QRICH1: variants seen among roughly 807,000 people sequenced by gnomAD.
QRICH1 encodes the protein transcriptional regulator QRICH1.
Under a neutral mutation model 87.1 loss-of-function variants are expected in QRICH1, and 16 were observed. The ratio of observed to expected loss-of-function variants is 0.18; its 90% CI spans 0.12 to 0.28. The LOEUF (loss-of-function observed/expected upper bound fraction) is 0.28, where lower values mean the gene tolerates loss of function less well. Among genes scored for constraint, QRICH1 ranks in the 10% least tolerant of loss-of-function variants. The pLI is 1.00. For synonymous variants in QRICH1, 367 were observed against 368.4 expected, an observed-to-expected ratio of 1.00 and a Z score of 0.05; for missense variants, 647 against 951.7, an observed-to-expected ratio of 0.68 and a Z score of 4.21.
At chr3:49,048,941 G>T (rs1469091445) in intron 3 of QRICH1, among the ~76,000 whole-genome samples, 4 of 147,990 alleles carry the variant, frequency 2.7e-5, no homozygotes, top group African/African-American at 1.0e-4. Flanking sequence ...TTGCTCTTTC[G>T]CCTAGGCTGG....
intron 1 of QRICH1, among the ~76,000 whole-genome samples, chr3:49,081,509 T>C (rs1559954162): frequency 6.6e-6 from 1 of 152,078 alleles, no homozygotes; most frequent in Non-Finnish European, 1.5e-5. Context: ...TTTTTTGTTG[T>C]TGGTTTCTTT....
At chr3:49,085,772 A>AG (rs2107031332) in intron 1 of QRICH1, among the ~76,000 whole-genome samples, 1 of 151,838 alleles carries the variant, frequency 6.6e-6, no homozygotes, top group African/African-American at 2.4e-5. Flanking sequence ...AAAAAAAAAA[A>AG]GAAAAAGAAA....
At chr3:49,083,967 A>G (rs2042121424) in intron 1 of QRICH1, among the ~76,000 whole-genome samples, 1 of 151,790 alleles carries the variant, frequency 6.6e-6, no homozygotes, top group African/African-American at 2.4e-5. Context: ...GTGCCTGGCT[A>G]ATTTTTGTAT....
rs767495406 is a variant in QRICH1, at chr3:49,044,405, G to A, written c.1771C>T (p.Arg591Trp). The change falls in exon 6 of 10, where the codon CGG becomes TGG. Residue 591 changes from arginine to tryptophan, a missense_variant. This residue lies in a region of QRICH1 where 187 missense variants were observed against 309.5 expected (regional missense o/e 0.60). Transcript: ENST00000395443. ...LHEVLKDVQP[R>W]VTPLGYVLPS... ...AGACTCTTACCAAGTGGAGTGACCC[G>A]GGGCTGAACATCCTTCAGAACTTCA... is the stretch of plus-strand genomic sequence containing the variant. 1.2e-6 allele frequency: 2 copies of A among 1,611,698 alleles called. No homozygotes were observed. The highest frequency in any genetic ancestry group is 2.2e-5 in the East Asian group (1 of 44,750).
At chr3:49,058,325 A>G (rs2093415191) in intron 2 of QRICH1, among the ~76,000 whole-genome samples, 1 of 149,964 alleles carries the variant, frequency 6.7e-6, no homozygotes, top group Non-Finnish European at 1.5e-5. Flanking sequence ...AAATATCAAA[A>G]CTTTGGTTCT....
At position 49,057,294 on chromosome 3, in the gene QRICH1, A is replaced by G. The variant is rs1398001558; in HGVS notation, c.906T>C (p.Thr302=). Residue 302 remains threonine, a synonymous_variant, in exon 3 of 10, where the codon ACT becomes ACC. Transcript: ENST00000395443. The surrounding 1 kb of genome is among the most constrained non-coding windows in gnomAD (Gnocchi z 5.4). ...AHLYSATGTI[T]SPTGETWTIP... Reference sequence around the variant, plus strand: ...TGGTCCAGGTTTCTCCTGTAGGGCTAGTAATGGTCCCAGTGGCACTGTACA... The same window carrying G: ...TGGTCCAGGTTTCTCCTGTAGGGCTGGTAATGGTCCCAGTGGCACTGTACA... The G allele has an allele frequency of 1.2e-6, 2 of 1,614,190 alleles. No individual in the cohort carries two copies. The highest frequency in any genetic ancestry group is 1.7e-6 in the Non-Finnish European group (2 of 1,180,040).
chr3:49,078,694 CTTT>C (rs57367580), intron 1 of QRICH1, among the ~76,000 whole-genome samples: 29 of 78,908 alleles, frequency 3.7e-4, no homozygotes, highest in African/African-American at 1.4e-3. Flanking sequence ...CACACCTGTC[CTTT>C]TTTTTTTTTT....
Position 49,030,650 on chromosome 3 carries a change from G to T in QRICH1, c.2139-6C>A. 1 of 1,547,934 alleles carries T rather than the reference G, an allele frequency of 6.5e-7. No individual in the cohort carries two copies. On this transcript the variant is annotated splice_polypyrimidine_tract_variant and splice_region_variant and intron_variant, in intron 9 of 9. Transcript: ENST00000395443. ...GGCCTTTCACACTCTGGGGGCTGAA[G>T]AATATGCGGATAAAAGTTGGGTACC...
chr3:49,084,839 T>C (rs2042137569), intron 1 of QRICH1, among the ~76,000 whole-genome samples: 1 of 152,174 alleles, frequency 6.6e-6, no homozygotes, highest in South Asian at 2.1e-4. Context: ...TTTCTTCTGT[T>C]AAACACTCTT....
chr3:49,044,351 C>G (rs1339054260), intron 6 of QRICH1, 39 bp downstream of exon 6: 7 of 1,456,772 alleles, frequency 4.8e-6, no homozygotes, highest in Non-Finnish European at 6.6e-6. Context: ...TTCTTAAATC[C>G]AGGTAGGAAA....
chr3:49,092,565 C>G (rs1487038714), intron 1 of QRICH1: 1 of 152,078 alleles, frequency 6.6e-6, no homozygotes, highest in Non-Finnish European at 1.5e-5. Context: ...ACTACCCCAC[C>G]ATTATCAAAT....
intron 1 of QRICH1, among the ~76,000 whole-genome samples, chr3:49,091,948 T>C (rs1156228540): frequency 6.6e-6 from 1 of 151,974 alleles, no homozygotes; most frequent in East Asian, 1.9e-4. Flanking sequence ...GCTGCATGCC[T>C]GTAATCCCAG....
At position 49,057,662 on chromosome 3, in the gene QRICH1, T is replaced by C. The variant is rs1193655309; in HGVS notation, c.538A>G (p.Ile180Val). The change falls in exon 3 of 10, where the codon ATC becomes GTC. Residue 180 changes from isoleucine to valine, a missense_variant. Physicochemically the swap from Ile to Val is conservative, Grantham distance 29. Coordinates refer to ENST00000395443, the MANE Select transcript of QRICH1 (RefSeq NM_198880.3). This position sits in a 1 kb window ranked among gnomAD's most constrained non-coding sequence, Gnocchi z 5.4. ...QVQHVQAAQQ[I>V]QAAEIPEEHI... ...TCCTCCGGGATTTCTGCAGCCTGGATCTGCTGGGCTGCTTGCACGTGCTGC... is the reference window on the plus strand; with the variant it reads ...TCCTCCGGGATTTCTGCAGCCTGGACCTGCTGGGCTGCTTGCACGTGCTGC... 1 of 1,614,072 alleles carries C rather than the reference T, an allele frequency of 6.2e-7. No individual in the cohort carries two copies. Among genetic ancestry groups the C allele is most frequent in the African/African-American group, 1.3e-5 (1 of 74,928 alleles).
At chr3:49,086,610 A>G (rs187615492) in intron 1 of QRICH1, among the ~76,000 whole-genome samples, 2 of 152,176 alleles carry the variant, frequency 1.3e-5, no homozygotes, top group East Asian at 1.9e-4. Context: ...TCTTCACTAC[A>G]TGAGTTATTA....
intron 2 of QRICH1, among the ~76,000 whole-genome samples, chr3:49,069,535 G>T (rs1000647462): frequency 7.2e-6 from 1 of 138,794 alleles, no homozygotes. Context: ...ACAGATCCAT[G>T]GGGGGGAATT....
chr3:49,087,818 C>CAAAATAAAAAAAAAAAA (rs2042195476), intron 1 of QRICH1, among the ~76,000 whole-genome samples: 1 of 47,676 alleles, frequency 2.1e-5, no homozygotes, highest in Non-Finnish European at 3.4e-5. Context: ...AGGTTCATCT[C>CAAAATAAAAAAAAAAAA]AAAAAAAAAA....
chr3:49,057,177 G>A lies in QRICH1; in HGVS notation c.1023C>T (p.His341=), dbSNP rs746183699. Residue 341 remains histidine (H), a synonymous_variant, in exon 3 of 10, where the codon CAC becomes CAT. Coordinates refer to ENST00000395443, the MANE Select transcript of QRICH1 (RefSeq NM_198880.3). This position sits in a 1 kb window ranked among gnomAD's most constrained non-coding sequence, Gnocchi z 5.4. ...AIPQEAYNAV[H]VSGSPTALAA... ...CCAGGGCTGTGGGTGAGCCACTGAC[G>A]TGAACTGCGTTGTAGGCTTCCTGGG... 43 of 1,614,108 alleles carry A rather than the reference G, an allele frequency of 2.7e-5. No individual in the cohort carries two copies. Among genetic ancestry groups the A allele is most frequent in the Admixed American group, 3.3e-5 (2 of 60,008 alleles).
chr3:49,036,180 A>T (rs534017993), intron 6 of QRICH1, among the ~76,000 whole-genome samples: 1 of 152,332 alleles, frequency 6.6e-6, no homozygotes, highest in East Asian at 1.9e-4. Context: ...AGATAAAAAA[A>T]ACCTAGGTAT....
Position 49,057,522 on chromosome 3 carries a change from C to T in QRICH1, c.678G>A (p.Gln226=), listed in dbSNP as rs1039814096. The part of the protein sequence containing the change: ...VGALSPPPSQ[Q]GSPREGERRV... ...GCCGCTCCCCTTCCCGGGGTGAGCC[C>T]TGCTGGGATGGTGGTGGGGAAAGGG... The change falls in exon 3 of 10, where the codon CAG becomes CAA. Residue 226 remains glutamine (Q), a synonymous_variant. Coordinates refer to ENST00000395443, the MANE Select transcript of QRICH1 (RefSeq NM_198880.3). This position sits in a 1 kb window ranked among gnomAD's most constrained non-coding sequence, Gnocchi z 5.4. The T allele has an allele frequency of 1.2e-6, 2 of 1,613,390 alleles. No individual in the cohort carries two copies. The highest frequency in any genetic ancestry group is 1.3e-5 in the African/African-American group (1 of 74,932).
Sources: gnomAD v4.1 joint callset for allele counts (sites outside exome capture counted in the v4.1 genomes callset) on GRCh38, gnomAD v4.1.1 for gene constraint, gnomAD v4.1.1 regional missense constraint, Gnocchi (gnomAD v3.1) non-coding constraint, MANE v1.5 for transcripts, NCBI Gene and HGNC (gene_info 2026-07-23, HGNC 2026-07-21) for gene names.